Variants in WDR49 observed in about 807,000 individuals in gnomAD.
WDR49 encodes the protein WD repeat domain 49.
WDR49 carries 107 observed loss-of-function variants against 119.5 expected under a neutral mutation model. That is an observed-to-expected ratio of 0.90 (90% CI 0.77 to 1.05). The LOEUF (loss-of-function observed/expected upper bound fraction) is 1.05. WDR49 is among the 50% of genes least tolerant of loss of function. WDR49 has a pLI of 0.00. For synonymous variants in WDR49, 425 were observed against 418.8 expected, an observed-to-expected ratio of 1.01 and a Z score of -0.18; for missense variants, 1,240 against 1,220.5, an observed-to-expected ratio of 1.02 and a Z score of -0.24.
chr3:167,645,200 A>ATTT (rs1553755208), intron 2 of WDR49, among the ~76,000 whole-genome samples: 8 of 151,548 alleles, frequency 5.3e-5, no homozygotes, highest in Admixed American at 2.0e-4. Context: ...TATTTAATTT[A>ATTT]ATTTATTTAT....
chr3:167,653,349 C>A lies in WDR49; in HGVS notation c.77G>T (p.Gly26Val). 1 of 1,536,128 alleles carries A rather than the reference C, an allele frequency of 6.5e-7. No individual in the cohort carries two copies. The highest frequency in any genetic ancestry group is 8.7e-7 in the Non-Finnish European group (1 of 1,146,878). The change falls in exon 2 of 19, where the codon GGT (glycine) becomes GTT (valine). Residue 26 changes from glycine (G) to valine (V), a missense_variant. By Grantham distance (109) the Gly-to-Val change is moderately radical. Transcript: ENST00000682715. ...LGPKSPERTE[G>V]VTAFEDYGTG... Reference sequence around the variant, plus strand: ...GCCATAGTCTTCAAATGCAGTTACACCTTCTGTTCTCTCAGGACTCTTTGG... The same window carrying A: ...GCCATAGTCTTCAAATGCAGTTACAACTTCTGTTCTCTCAGGACTCTTTGG...
intron 10 of WDR49, among the ~76,000 whole-genome samples, chr3:167,548,909 T>C (rs1317980832): frequency 1.3e-5 from 2 of 152,112 alleles, no homozygotes; most frequent in Non-Finnish European, 2.9e-5. Context: ...GTTCTCATTG[T>C]TCAATTCCCA....
At chr3:167,646,774 G>A (rs1718148256) in intron 2 of WDR49, among the ~76,000 whole-genome samples, 1 of 152,166 alleles carries the variant, frequency 6.6e-6, no homozygotes, top group African/African-American at 2.4e-5. Flanking sequence ...AAGTGAAGCA[G>A]TAGAGGAACA....
chr3:167,640,595 T>C (rs1391977971), intron 2 of WDR49, among the ~76,000 whole-genome samples: 1 of 151,876 alleles, frequency 6.6e-6, no homozygotes, highest in Non-Finnish European at 1.5e-5. Context: ...CAAGTTAATG[T>C]TTGGTGCCAA....
chr3:167,502,232 A>G (rs1751598876), intron 17 of WDR49, among the ~76,000 whole-genome samples: 1 of 152,212 alleles, frequency 6.6e-6, no homozygotes, highest in South Asian at 2.1e-4. Flanking sequence ...GGCCCTCACC[A>G]GAAGGTGGGC....
chr3:167,514,443 C>G (rs962550745), intron 16 of WDR49, among the ~76,000 whole-genome samples: 2 of 152,078 alleles, frequency 1.3e-5, no homozygotes, highest in Non-Finnish European at 2.9e-5. Flanking sequence ...ATCCCTGGGA[C>G]ACAGCTAATG....
intron 18 of WDR49, among the ~76,000 whole-genome samples, chr3:167,488,277 C>A (rs1373171093): frequency 6.6e-6 from 1 of 151,426 alleles, no homozygotes; most frequent in Non-Finnish European, 1.5e-5. Flanking sequence ...AAATCCTAAG[C>A]AAATTAATGC....
intron 16 of WDR49, among the ~76,000 whole-genome samples, chr3:167,510,189 C>G (rs939096665): frequency 6.6e-6 from 1 of 152,134 alleles, no homozygotes. Context: ...TCAAGACCAG[C>G]CTGGCCAACA....
Position 167,595,580 on chromosome 3 carries a change from C to T in WDR49, c.1275+6547G>A, listed in dbSNP as rs191274993. On this transcript the variant is annotated intron_variant, in intron 7 of 18. Transcript: ENST00000682715. ...AATAACATTGCATATCTACAACTAT[C>T]TGATCTTTGACAAACCTGAGAAAAA... is the stretch of plus-strand genomic sequence containing the variant. Among the ~76,000 whole-genome samples, 512 of 152,292 alleles carry T rather than the reference C, an allele frequency of 3.4e-3. 6 individuals carry two copies. The highest frequency in any genetic ancestry group is 0.012 in the African/African-American group (484 of 41,568).
intron 18 of WDR49, among the ~76,000 whole-genome samples, chr3:167,491,811 T>C (rs1258069260): frequency 6.6e-6 from 1 of 152,020 alleles, no homozygotes; most frequent in Non-Finnish European, 1.5e-5. Flanking sequence ...AAGAACCAAC[T>C]GGGAGCAACT....
chr3:167,554,903 C>T (rs1180790471), intron 9 of WDR49, 105 bp from the exon 10 acceptor site: 2 of 833,794 alleles, frequency 2.4e-6, no homozygotes, highest in South Asian at 2.0e-5. Context: ...AGAAAATCAA[C>T]TCATCATTGA....
At chr3:167,508,598 C>T (rs1287187013) in intron 16 of WDR49, among the ~76,000 whole-genome samples, 2 of 152,206 alleles carry the variant, frequency 1.3e-5, no homozygotes, top group African/African-American at 4.8e-5. Flanking sequence ...TCTAACACCC[C>T]CCTACAGCAA....
chr3:167,493,058 T>C (rs1370136082), intron 18 of WDR49, among the ~76,000 whole-genome samples: 3 of 152,188 alleles, frequency 2.0e-5, no homozygotes, highest in Admixed American at 6.6e-5. Flanking sequence ...TGTTGAGCTC[T>C]GTCACTAAAG....
Position 167,532,913 on chromosome 3 carries a change from G to A in WDR49, c.2019C>T (p.His673=). Residue 673 remains histidine, a synonymous_variant, in exon 12 of 19, where the codon CAC becomes CAT. Transcript: ENST00000682715. ...ACTTTAGCAACCTCTGGTAATCAGG[G>A]TGAAGAACATGGTGAGCATTCTCTG... is the stretch of plus-strand genomic sequence containing the variant. ...NSTENAHHVL[H]PDYQRLLKSK... 6.2e-7 allele frequency: 1 copy of A among 1,609,696 alleles called. No individual in the cohort carries two copies. The highest frequency in any genetic ancestry group is 8.5e-7 in the Non-Finnish European group (1 of 1,177,176).
At chr3:167,495,223 A>G (rs565001838) in intron 18 of WDR49, among the ~76,000 whole-genome samples, 1 of 152,260 alleles carries the variant, frequency 6.6e-6, no homozygotes, top group East Asian at 1.9e-4. Flanking sequence ...CAAGACTTTA[A>G]AAATTACCAT....
At chr3:167,640,132 C>A (rs1717811243) in intron 2 of WDR49, among the ~76,000 whole-genome samples, 1 of 151,744 alleles carries the variant, frequency 6.6e-6, no homozygotes, top group African/African-American at 2.4e-5. Context: ...ATGGAGGAAT[C>A]AATTAGATAG....
chr3:167,535,251 T>C (rs1229677200), intron 11 of WDR49, among the ~76,000 whole-genome samples: 2 of 152,048 alleles, frequency 1.3e-5, no homozygotes, highest in Non-Finnish European at 2.9e-5. Context: ...AAGTGCTGCT[T>C]CTTCAAAAAT....
At chr3:167,574,337 G>A (rs925032348) in intron 8 of WDR49, among the ~76,000 whole-genome samples, 1 of 152,170 alleles carries the variant, frequency 6.6e-6, no homozygotes, top group African/African-American at 2.4e-5. Context: ...ATCACTGACT[G>A]ATGGGAATGT....
chr3:167,591,062 A>T (rs992073221), intron 7 of WDR49, among the ~76,000 whole-genome samples: 5 of 151,894 alleles, frequency 3.3e-5, no homozygotes, highest in African/African-American at 1.2e-4. Flanking sequence ...CTTCTCTTTT[A>T]GTACTCCTCT....
Sources: allele counts gnomAD v4.1 joint callset (sites outside exome capture counted in the v4.1 genomes callset), GRCh38; gene constraint gnomAD v4.1.1; transcripts MANE v1.5; gene names NCBI Gene and HGNC (gene_info 2026-07-23, HGNC 2026-07-21).